Variants in AFF3 observed in about 807,000 individuals in gnomAD.
The protein encoded by AFF3 is AF4/FMR2 family member 3.
AFF3 carries 32 observed loss-of-function variants against 129.7 expected under a neutral mutation model. The observed-to-expected ratio is 0.25, with a 90% CI of 0.19 to 0.33. The LOEUF (loss-of-function observed/expected upper bound fraction) is 0.33, where lower values mean the gene tolerates loss of function less well. Ranked by LOEUF, AFF3 falls within the 10% of genes least tolerant of loss-of-function variation. The pLI is 1.00. For missense variants in AFF3, 1,373 were observed against 1,592.0 expected (o/e 0.86, Z 2.34); for synonymous variants, 644 against 635.4 (o/e 1.01, Z -0.20).
intron 7 of AFF3, among the ~76,000 whole-genome samples, chr2:99,892,719 T>C (rs1350506781): frequency 6.6e-6 from 1 of 152,234 alleles, no homozygotes; most frequent in African/African-American, 2.4e-5. Context: ...GGCCCACTGC[T>C]GAGAATGGCT....
intron 7 of AFF3, among the ~76,000 whole-genome samples, chr2:99,864,391 T>A (rs1224814232): frequency 1.3e-5 from 2 of 152,200 alleles, no homozygotes; most frequent in Non-Finnish European, 2.9e-5. Flanking sequence ...GAACCAACAA[T>A]GTCTCCAATG....
chr2:99,901,564 C>T (rs1694344356), intron 7 of AFF3, among the ~76,000 whole-genome samples: 1 of 152,216 alleles, frequency 6.6e-6, no homozygotes, highest in African/African-American at 2.4e-5. Context: ...ACCCTTCCCA[C>T]TGGCCAAACT....
At chr2:99,754,783 C>T (rs11123795) in intron 8 of AFF3, among the ~76,000 whole-genome samples, 111,939 of 152,040 alleles carry the variant, frequency 0.74, 42,141 homozygotes, top group East Asian at 0.92. Context: ...TCCTGATCTT[C>T]GTACCTTAAT....
chr2:99,866,498 A>G (rs1691408062), intron 7 of AFF3, among the ~76,000 whole-genome samples: 1 of 152,146 alleles, frequency 6.6e-6, no homozygotes, highest in African/African-American at 2.4e-5. Context: ...GGAAAACAGC[A>G]GCCTGGAAAC....
chr2:99,696,476 T>C (rs1032504674), intron 11 of AFF3, among the ~76,000 whole-genome samples: 3 of 152,192 alleles, frequency 2.0e-5, no homozygotes, highest in Non-Finnish European at 4.4e-5. Flanking sequence ...CAGTTATATC[T>C]GCACCCATGT....
chr2:99,637,154 A>C (rs1327243786), intron 13 of AFF3, among the ~76,000 whole-genome samples: 1 of 152,230 alleles, frequency 6.6e-6, no homozygotes, highest in African/African-American at 2.4e-5. Context: ...GGCTTTGGCC[A>C]GTTTTCTTTA....
At chr2:99,813,968 G>T (rs929470380) in intron 8 of AFF3, among the ~76,000 whole-genome samples, 18 of 152,138 alleles carry the variant, frequency 1.2e-4, no homozygotes, top group Admixed American at 1.3e-4. Context: ...GCAAACAATA[G>T]ATGCCAAATA....
At chr2:99,949,020 G>C (rs147397060) in intron 7 of AFF3, among the ~76,000 whole-genome samples, 188 of 152,306 alleles carry the variant, frequency 1.2e-3, no homozygotes, top group Middle Eastern at 0.01. Context: ...TCAGCTAGGA[G>C]GTTATGCCAG....
At chr2:99,605,381 C>A (rs1431087048) in intron 13 of AFF3, among the ~76,000 whole-genome samples, 1 of 152,158 alleles carries the variant, frequency 6.6e-6, no homozygotes, top group Admixed American at 6.6e-5. Context: ...TATCCAGAAA[C>A]AATCATAGCA....
chr2:99,770,753 C>A (rs1683409928), intron 8 of AFF3, among the ~76,000 whole-genome samples: 1 of 152,096 alleles, frequency 6.6e-6, no homozygotes, highest in East Asian at 1.9e-4. Context: ...TCCTTCTGGC[C>A]CAGGGTGTCT....
chr2:99,987,398 T>C (rs2309775), intron 7 of AFF3, among the ~76,000 whole-genome samples: 31,314 of 152,120 alleles, frequency 0.21, 4,082 homozygotes, highest in African/African-American at 0.36. Context: ...CCCTATACTC[T>C]GGGCTGGTGC....
chr2:100,127,227 G>A (rs148228304), intron 2 of AFF3, among the ~76,000 whole-genome samples: 1 of 152,250 alleles, frequency 6.6e-6, no homozygotes, highest in African/African-American at 2.4e-5. Context: ...CCAGGATTAC[G>A]GACTGCATTT....
intron 8 of AFF3, among the ~76,000 whole-genome samples, chr2:99,823,369 C>A (rs1350531814): frequency 2.0e-5 from 3 of 150,544 alleles, no homozygotes; most frequent in Non-Finnish European, 2.9e-5. Context: ...GGGAAAGCTA[C>A]AATGATTCAG....
At chr2:99,798,254 T>A (rs1240434707) in intron 8 of AFF3, among the ~76,000 whole-genome samples, 1 of 151,752 alleles carries the variant, frequency 6.6e-6, no homozygotes, top group Non-Finnish European at 1.5e-5. Flanking sequence ...CAAAGAGTAA[T>A]AGCTAATAAG....
chr2:99,859,387 G>C (rs1690796942), intron 7 of AFF3, among the ~76,000 whole-genome samples: 1 of 152,162 alleles, frequency 6.6e-6, no homozygotes, highest in Non-Finnish European at 1.5e-5. Flanking sequence ...ATTACCAATT[G>C]CTGGGCCCAC....
chr2:99,603,316 T>G (rs1232049961), intron 13 of AFF3, among the ~76,000 whole-genome samples: 1 of 152,222 alleles, frequency 6.6e-6, no homozygotes, highest in Non-Finnish European at 1.5e-5. Context: ...GAATTCTGAC[T>G]GAACATGAAC....
intron 13 of AFF3, among the ~76,000 whole-genome samples, chr2:99,609,532 C>T (rs1474133821): frequency 1.3e-5 from 2 of 152,204 alleles, no homozygotes; most frequent in African/African-American, 4.8e-5. Flanking sequence ...TCTCCAGACC[C>T]ATCCAGGTTG....
At chr2:100,109,917 G>A (rs1047194949) in intron 2 of AFF3, 1 of 152,116 alleles carries the variant, frequency 6.6e-6, no homozygotes, top group Admixed American at 6.5e-5. Context: ...TATAGCATTG[G>A]CGCATTCTCA....
intron 7 of AFF3, among the ~76,000 whole-genome samples, chr2:99,891,138 G>A (rs890224919): frequency 6.6e-6 from 1 of 152,150 alleles, no homozygotes; most frequent in African/African-American, 2.4e-5. Flanking sequence ...AACGGACAAG[G>A]ATTTGAGTAA....
Sources: allele counts gnomAD v4.1 joint callset (sites outside exome capture counted in the v4.1 genomes callset), GRCh38; gene constraint gnomAD v4.1.1; transcripts MANE v1.5; gene names NCBI Gene and HGNC (gene_info 2026-07-23, HGNC 2026-07-21).